The following GRIP2 variants were observed in gnomAD, a reference collection of about 807,000 sequenced individuals.
The protein encoded by GRIP2 is glutamate receptor-interacting protein 2.
GRIP2 carries 58 observed loss-of-function variants against 108.3 expected under a neutral mutation model. That is an observed-to-expected ratio of 0.54 (90% CI 0.43 to 0.67). GRIP2 has a LOEUF of 0.67. Among genes scored for constraint, GRIP2 ranks in the 30% least tolerant of loss-of-function variants. The pLI is 0.00. For synonymous variants in GRIP2, 586 were observed against 598.2 expected (o/e 0.98, Z 0.30); for missense variants, 1,278 against 1,430.6 (o/e 0.89, Z 1.72).
chr3:14,590,148 G>T, the GRIP2 span, among the ~76,000 whole-genome samples: 1 of 152,180 alleles, frequency 6.6e-6, no homozygotes, highest in Non-Finnish European at 1.5e-5. Flanking sequence ...TGGCTTTTAT[G>T]AGTGTTTTCC....
the GRIP2 span, among the ~76,000 whole-genome samples, chr3:14,568,675 G>A: frequency 1.3e-5 from 2 of 152,210 alleles, no homozygotes. Context: ...AACTGGGAAG[G>A]GGTCCAGAAG....
chr3:14,506,101 A>G (rs1273550482), intron 19 of GRIP2, among the ~76,000 whole-genome samples: 1 of 152,228 alleles, frequency 6.6e-6, no homozygotes, highest in African/African-American at 2.4e-5. Flanking sequence ...CTGAAGGTCC[A>G]GCCCCAGGGA....
chr3:14,536,615 G>T (rs998528319), intron 1 of GRIP2, among the ~76,000 whole-genome samples: 9 of 152,238 alleles, frequency 5.9e-5, no homozygotes, highest in Non-Finnish European at 1.3e-4. Context: ...AGGGGCTCCT[G>T]TCCAGCAGGC....
chr3:14,599,719 G>GTT, the GRIP2 span, among the ~76,000 whole-genome samples: 1 of 146,682 alleles, frequency 6.8e-6, no homozygotes, highest in Non-Finnish European at 1.5e-5. Context: ...GTGTTTGTGT[G>GTT]TGTGTGTGTG....
At chr3:14,597,169 AGAC>A in the GRIP2 span, among the ~76,000 whole-genome samples, 1 of 152,246 alleles carries the variant, frequency 6.6e-6, no homozygotes, top group Non-Finnish European at 1.5e-5. Context: ...TTAAAGCCTG[AGAC>A]CTTACTGTAA....
intron 1 of GRIP2, among the ~76,000 whole-genome samples, chr3:14,529,806 A>G (rs1351581326): frequency 1.3e-5 from 2 of 152,036 alleles, no homozygotes; most frequent in African/African-American, 2.4e-5. Flanking sequence ...GTGGTTGGTA[A>G]TTGTTGGATT....
At chr3:14,595,089 T>C in the GRIP2 span, among the ~76,000 whole-genome samples, 1 of 151,864 alleles carries the variant, frequency 6.6e-6, no homozygotes, top group African/African-American at 2.4e-5. Flanking sequence ...GTAGAGATGG[T>C]GTCTCACTAT....
rs557359001 is a variant in GRIP2, at chr3:14,521,318, C to T, written c.712+324G>A. 1.1e-4 allele frequency: 28 copies of T among 253,646 alleles called. No individual in the cohort carries two copies. The highest frequency in any genetic ancestry group is 2.0e-4 in the Non-Finnish European group (27 of 134,564). The allele number at this position is 253,646 out of a possible 1,614,324, so 15.7% of individuals were successfully genotyped here. Reference sequence around the variant, plus strand: ...GAGCATCCCCCAGCCTGTCCCATCTCTCTCCCCTGCCTCTTTTCTTTTTTC... The same window carrying T: ...GAGCATCCCCCAGCCTGTCCCATCTTTCTCCCCTGCCTCTTTTCTTTTTTC... On this transcript the variant is annotated intron_variant, in intron 7 of 23. Transcript: ENST00000621039. This position sits in a 1 kb window ranked among gnomAD's most constrained non-coding sequence, Gnocchi z 5.1.
chr3:14,501,613 A>G (rs1449553220), intron 21 of GRIP2, among the ~76,000 whole-genome samples: 2 of 152,238 alleles, frequency 1.3e-5, no homozygotes, highest in Non-Finnish European at 2.9e-5. Flanking sequence ...AACAGTACAT[A>G]CATCATGATT....
chr3:14,582,792 C>T, the GRIP2 span, among the ~76,000 whole-genome samples: 1 of 152,200 alleles, frequency 6.6e-6, no homozygotes, highest in Non-Finnish European at 1.5e-5. Flanking sequence ...ATTTTCACTC[C>T]GTGACCTAAT....
At chr3:14,582,596 T>C in the GRIP2 span, among the ~76,000 whole-genome samples, 1 of 152,178 alleles carries the variant, frequency 6.6e-6, no homozygotes, top group East Asian at 1.9e-4. Flanking sequence ...CACTTCACCT[T>C]ATTGTGCTGC....
intron 11 of GRIP2, among the ~76,000 whole-genome samples, chr3:14,516,111 TC>T (rs1383767657): frequency 6.6e-6 from 1 of 152,064 alleles, no homozygotes; most frequent in Non-Finnish European, 1.5e-5. Context: ...AGTCTCCACA[TC>T]CCCCACCTAC....
At chr3:14,509,412 G>C (rs992143960) in intron 17 of GRIP2, among the ~76,000 whole-genome samples, 1 of 152,248 alleles carries the variant, frequency 6.6e-6, no homozygotes, top group Admixed American at 6.5e-5. Context: ...TCTAGGGGCA[G>C]CAGGGACAGT....
intron 9 of GRIP2, among the ~76,000 whole-genome samples, chr3:14,518,329 C>T (rs1027541839): frequency 3.3e-5 from 5 of 152,188 alleles, no homozygotes; most frequent in African/African-American, 1.2e-4. Context: ...CAGGCAGCCT[C>T]GGCCAGTGGC....
the GRIP2 span, among the ~76,000 whole-genome samples, chr3:14,602,551 T>A: frequency 6.0e-5 from 9 of 151,060 alleles, no homozygotes; most frequent in Admixed American, 3.9e-4. The surrounding 1 kb of genome is among the most constrained non-coding windows in gnomAD (Gnocchi z 4.7). Flanking sequence ...CGTGGCCGCC[T>A]CGCCAAGCCA....
chr3:14,503,509 C>T, intron 21 of GRIP2, 57 bp downstream of exon 21: 1 of 1,238,982 alleles, frequency 8.1e-7, no homozygotes, highest in Non-Finnish European at 1.2e-6. Context: ...ATTGCACACA[C>T]ACCAGAGTGA....
At position 14,511,251 on chromosome 3, in the gene GRIP2, T is replaced by G. The variant is rs1338370364; in HGVS notation, c.1847A>C (p.Asn616Thr). ...LLAIDNIRLD[N>T]CPMEDAVQIL... is the part of the protein sequence containing the mutation. ...TTGCACGGCGTCCTCCATGGGGCAGTTGTCCAGGCGGATATTGTCAATGGC... is the reference window on the plus strand; with the variant it reads ...TTGCACGGCGTCCTCCATGGGGCAGGTGTCCAGGCGGATATTGTCAATGGC... Residue 616 changes from asparagine (N) to threonine (T), a missense_variant, in exon 16 of 24, where the codon AAC becomes ACC. Transcript: ENST00000621039. The surrounding 1 kb of genome is among the most constrained non-coding windows in gnomAD (Gnocchi z 4.1). 6.2e-7 allele frequency: 1 copy of G among 1,613,990 alleles called. No individual in the cohort carries two copies.
chr3:14,533,846 G>A (rs1428041147), intron 1 of GRIP2, among the ~76,000 whole-genome samples: 2 of 152,176 alleles, frequency 1.3e-5, no homozygotes, highest in Non-Finnish European at 2.9e-5. Context: ...CCGGTTTGGG[G>A]TTCAGCCTGT....
the GRIP2 span, among the ~76,000 whole-genome samples, chr3:14,576,857 A>G: frequency 1.3e-5 from 2 of 152,160 alleles, no homozygotes; most frequent in African/African-American, 4.8e-5. Flanking sequence ...CACAAACCCC[A>G]TCAACCACTT....
Sources: allele counts gnomAD v4.1 joint callset (sites outside exome capture counted in the v4.1 genomes callset), GRCh38; gene constraint gnomAD v4.1.1; non-coding constraint Gnocchi (gnomAD v3.1); transcripts MANE v1.5; gene names NCBI Gene and HGNC (gene_info 2026-07-23, HGNC 2026-07-21).